Variants in ROR2 observed in about 807,000 individuals in gnomAD.
The protein encoded by ROR2 is tyrosine-protein kinase transmembrane receptor ROR2.
A neutral mutation model predicts 74.9 loss-of-function variants in ROR2; 33 were observed. The observed-to-expected ratio is 0.44, with a 90% CI of 0.33 to 0.59. The LOEUF (loss-of-function observed/expected upper bound fraction) is 0.59, where lower values mean the gene tolerates loss of function less well. Among genes scored for constraint, ROR2 ranks in the 20% least tolerant of loss-of-function variants. The pLI, the probability that ROR2 is intolerant of heterozygous loss-of-function variation, is 0.02. For missense variants in ROR2, 1,216 were observed against 1,313.8 expected (o/e 0.93, Z 1.15); for synonymous variants, 586 against 558.7 (o/e 1.05, Z -0.69).
chr9:91,892,407 C>T (rs59723153), intron 1 of ROR2, among the ~76,000 whole-genome samples: 42,849 of 151,982 alleles, frequency 0.28, 6,321 homozygotes, highest in Admixed American at 0.43. Flanking sequence ...CCTTACCCCG[C>T]CCATGCCTCA....
At chr9:91,888,443 G>A (rs981969291) in intron 1 of ROR2, among the ~76,000 whole-genome samples, 9 of 152,048 alleles carry the variant, frequency 5.9e-5, no homozygotes, top group Admixed American at 4.6e-4. Flanking sequence ...TCCACTGGAC[G>A]CTGATACCCT....
intron 1 of ROR2, among the ~76,000 whole-genome samples, chr9:91,910,369 C>T (rs1830945095): frequency 6.6e-6 from 1 of 152,106 alleles, no homozygotes; most frequent in Non-Finnish European, 1.5e-5. Context: ...TCTCCACCCC[C>T]AAATATCTTT....
At chr9:91,859,986 G>A (rs1829421599) in intron 1 of ROR2, among the ~76,000 whole-genome samples, 1 of 152,200 alleles carries the variant, frequency 6.6e-6, no homozygotes, top group Non-Finnish European at 1.5e-5. Flanking sequence ...GGGCCTGGAC[G>A]CTGCTCCGGA....
At chr9:91,819,709 C>G (rs930634569) in intron 1 of ROR2, among the ~76,000 whole-genome samples, 7 of 131,598 alleles carry the variant, frequency 5.3e-5, no homozygotes, top group African/African-American at 2.0e-4. Context: ...TCAGTGTGTT[C>G]TGTGTGTGTC....
intron 1 of ROR2, among the ~76,000 whole-genome samples, chr9:91,873,995 G>C (rs181406772): frequency 6.6e-6 from 1 of 152,248 alleles, no homozygotes; most frequent in East Asian, 1.9e-4. Context: ...GAATTGGTTG[G>C]GGGAGTTGGG....
intron 1 of ROR2, among the ~76,000 whole-genome samples, chr9:91,820,074 C>T (rs535396136): frequency 1.7e-4 from 26 of 152,326 alleles, no homozygotes; most frequent in African/African-American, 5.5e-4. Flanking sequence ...GAGTCTCTCA[C>T]AATGCTGCCT....
intron 1 of ROR2, among the ~76,000 whole-genome samples, chr9:91,940,200 C>T (rs1272869362): frequency 6.6e-6 from 1 of 152,222 alleles, no homozygotes; most frequent in Non-Finnish European, 1.5e-5. Context: ...TATCAGACAA[C>T]ACCAGGGCTC....
At position 91,757,296 on chromosome 9, in the gene ROR2, T is replaced by G; in HGVS notation, c.439A>C (p.Thr147Pro). The change falls in exon 3 of 9, where the codon ACT (threonine) becomes CCT (proline). Residue 147 changes from threonine (T) to proline (P), a missense_variant. Physicochemically the swap from Thr to Pro is conservative, Grantham distance 38. Coordinates refer to ENST00000375708, the MANE Select transcript of ROR2 (RefSeq NM_004560.4). The stretch of plus-strand genomic sequence containing the variant: ...CCCAGCCGCACAAACAGGACGCCAG[T>G]GGCGGTAATGGTCTTCATCCCGTTG... The part of the protein sequence containing the change: ...ATNGMKTITA[T>P]GVLFVRLGPT... 1 of 1,614,052 alleles carries G rather than the reference T, an allele frequency of 6.2e-7. No individual in the cohort carries two copies. The highest frequency in any genetic ancestry group is 8.5e-7 in the Non-Finnish European group (1 of 1,180,028).
intron 3 of ROR2, among the ~76,000 whole-genome samples, chr9:91,757,059 C>T (rs1280565703): frequency 6.6e-6 from 1 of 152,102 alleles, no homozygotes; most frequent in Non-Finnish European, 1.5e-5. Flanking sequence ...CGTGAGCCAC[C>T]GTGCCTCGCC....
At chr9:91,828,300 G>A (rs1828354199) in intron 1 of ROR2, among the ~76,000 whole-genome samples, 2 of 152,128 alleles carry the variant, frequency 1.3e-5, no homozygotes, top group African/African-American at 2.4e-5. Context: ...TGTTTCCCCT[G>A]TACATCTTCT....
chr9:91,936,945 G>C (rs1473164913), intron 1 of ROR2, among the ~76,000 whole-genome samples: 1 of 148,096 alleles, frequency 6.8e-6, no homozygotes, highest in Non-Finnish European at 1.5e-5. Context: ...CAGGGGAATG[G>C]CGTGAACCCG....
chr9:91,802,176 C>A (rs890705977), intron 1 of ROR2, among the ~76,000 whole-genome samples: 1 of 150,610 alleles, frequency 6.6e-6, no homozygotes, highest in Non-Finnish European at 1.5e-5. Flanking sequence ...CAGGTTCACG[C>A]CATTCTCCTG....
At chr9:91,763,931 A>G (rs1825987128) in intron 2 of ROR2, among the ~76,000 whole-genome samples, 1 of 152,240 alleles carries the variant, frequency 6.6e-6, no homozygotes, top group East Asian at 1.9e-4. Context: ...AAGATGGTCC[A>G]CATATGCGTA....
At chr9:91,911,933 C>CA (rs747087662) in intron 1 of ROR2, among the ~76,000 whole-genome samples, 39,958 of 76,210 alleles carry the variant, frequency 0.52, 9,312 homozygotes, top group Admixed American at 0.59. Context: ...TGAGTCTAAG[C>CA]AAAAAAAAAA....
chr9:91,828,587 G>A (rs983448527), intron 1 of ROR2, among the ~76,000 whole-genome samples: 11 of 152,102 alleles, frequency 7.2e-5, no homozygotes, highest in Admixed American at 2.6e-4. Context: ...GGTAGTGCAC[G>A]CCTGTAATCC....
In ROR2 at chr9:91,757,528, G is replaced by C. The variant is rs1217680296; in HGVS notation, c.207C>G (p.Asn69Lys). Residue 69 changes from asparagine to lysine, a missense_variant, in exon 3 of 9, where the codon AAC becomes AAG. By Grantham distance (94) the Asn-to-Lys change is moderately conservative. Coordinates refer to ENST00000375708, the MANE Select transcript of ROR2 (RefSeq NM_004560.4). ...GYFLNFLEPV[N>K]NITIVQGQTA... ...TCTGGCCTTGGACAATGGTGATATT[G>C]TTTACTGGCTCCAGAAAATTCAGAA... The C allele has an allele frequency of 1.2e-6, 2 of 1,613,698 alleles. No individual in the cohort carries two copies. The highest frequency in any genetic ancestry group is 1.7e-6 in the Non-Finnish European group (2 of 1,179,968).
At chr9:91,805,722 CACAT>C (rs1472593675) in intron 1 of ROR2, among the ~76,000 whole-genome samples, 1 of 152,206 alleles carries the variant, frequency 6.6e-6, no homozygotes, top group Non-Finnish European at 1.5e-5. Flanking sequence ...CCCACACACA[CACAT>C]ATGCACACCT....
At chr9:91,930,717 G>C (rs1233519926) in intron 1 of ROR2, among the ~76,000 whole-genome samples, 5 of 152,320 alleles carry the variant, frequency 3.3e-5, no homozygotes, top group Middle Eastern at 3.4e-3. Context: ...AGAAATGCTG[G>C]CTACAGACAG....
chr9:91,879,297 T>C (rs953230320), intron 1 of ROR2, among the ~76,000 whole-genome samples: 7 of 152,028 alleles, frequency 4.6e-5, no homozygotes, highest in African/African-American at 1.7e-4. Flanking sequence ...TCAGGGAAAG[T>C]GATGATGTCC....
Sources: allele counts gnomAD v4.1 joint callset (sites outside exome capture counted in the v4.1 genomes callset), GRCh38; gene constraint gnomAD v4.1.1; transcripts MANE v1.5; gene names NCBI Gene and HGNC (gene_info 2026-07-23, HGNC 2026-07-21).